AGBL4: variants seen among roughly 807,000 people sequenced by gnomAD.
The protein encoded by AGBL4 is AGBL carboxypeptidase 4.
A neutral mutation model predicts 66.4 loss-of-function variants in AGBL4; 58 were observed. The ratio of observed to expected loss-of-function variants is 0.87; its 90% CI spans 0.71 to 1.09. AGBL4 has a LOEUF of 1.09. Among genes scored for constraint, AGBL4 ranks in the 50% least tolerant of loss-of-function variants. The pLI is 0.00. For missense variants in AGBL4, 579 were observed against 631.0 expected (o/e 0.92, Z 0.88); for synonymous variants, 234 against 222.9 (o/e 1.05, Z -0.44).
At chr1:49,158,024 G>A (rs1569868477) in intron 4 of AGBL4, among the ~76,000 whole-genome samples, 1 of 152,214 alleles carries the variant, frequency 6.6e-6, no homozygotes, top group East Asian at 1.9e-4. Flanking sequence ...CTCCCGTTCT[G>A]TAGGTTGCCT....
chr1:49,595,942 C>CTTT (rs1238161737), intron 3 of AGBL4, among the ~76,000 whole-genome samples: 1 of 152,086 alleles, frequency 6.6e-6, no homozygotes, highest in African/African-American at 2.4e-5. Context: ...ATAGACAGCC[C>CTTT]TTTAATGCAG....
intron 3 of AGBL4, among the ~76,000 whole-genome samples, chr1:49,588,303 A>G (rs1228587870): frequency 6.6e-6 from 1 of 152,164 alleles, no homozygotes; most frequent in African/African-American, 2.4e-5. Context: ...GTGACACTGC[A>G]GTGTACCTAT....
intron 1 of AGBL4, chr1:49,995,444 C>G: frequency 2.7e-6 from 1 of 373,986 alleles, no homozygotes; most frequent in South Asian, 2.0e-5. Context: ...GAACACAACT[C>G]CACTGGGCTG....
intron 1 of AGBL4, among the ~76,000 whole-genome samples, chr1:49,892,756 T>C (rs1648779097): frequency 6.6e-6 from 1 of 152,188 alleles, no homozygotes; most frequent in South Asian, 2.1e-4. Flanking sequence ...TATTCATATT[T>C]TGTAGATGAG....
At chr1:49,783,476 A>C (rs1644383031) in intron 2 of AGBL4, among the ~76,000 whole-genome samples, 1 of 152,150 alleles carries the variant, frequency 6.6e-6, no homozygotes, top group Admixed American at 6.6e-5. Flanking sequence ...CCCCCTCAAC[A>C]AACTAGGAAT....
chr1:49,175,687 T>C (rs1167585599), intron 4 of AGBL4, among the ~76,000 whole-genome samples: 6 of 152,164 alleles, frequency 3.9e-5, no homozygotes, highest in Non-Finnish European at 4.4e-5. Flanking sequence ...TTACTTTCTA[T>C]ATACAATGAG....
At chr1:49,592,691 T>C (rs1451713536) in intron 3 of AGBL4, among the ~76,000 whole-genome samples, 2 of 152,116 alleles carry the variant, frequency 1.3e-5, no homozygotes, top group African/African-American at 4.8e-5. Flanking sequence ...CAATGAGATA[T>C]CATCTCACAC....
intron 3 of AGBL4, among the ~76,000 whole-genome samples, chr1:49,518,078 C>T (rs1649972707): frequency 6.6e-6 from 1 of 152,054 alleles, no homozygotes. Context: ...CACTGCTGCT[C>T]TCAAGAGATT....
intron 2 of AGBL4, among the ~76,000 whole-genome samples, chr1:49,711,736 T>C (rs952910997): frequency 1.4e-4 from 22 of 152,042 alleles, no homozygotes; most frequent in African/African-American, 5.1e-4. Flanking sequence ...CACAGTACTT[T>C]AATAATTTTA....
intron 2 of AGBL4, among the ~76,000 whole-genome samples, chr1:49,848,755 C>T (rs1411388729): frequency 7.2e-5 from 11 of 152,142 alleles, no homozygotes; most frequent in Non-Finnish European, 1.6e-4. Context: ...AACTTTACCA[C>T]TACGCAATAT....
At chr1:48,690,550 C>T (rs760301396) in intron 6 of AGBL4, among the ~76,000 whole-genome samples, 9 of 152,268 alleles carry the variant, frequency 5.9e-5, no homozygotes, top group South Asian at 2.1e-4. Flanking sequence ...CTGAGTCCCA[C>T]TAAGGGTCAC....
intron 4 of AGBL4, among the ~76,000 whole-genome samples, chr1:49,097,266 T>C (rs1285571786): frequency 6.6e-6 from 1 of 152,166 alleles, no homozygotes; most frequent in Non-Finnish European, 1.5e-5. Context: ...AGTTCCAAAA[T>C]TCCACCAACA....
chr1:48,548,400 C>G (rs976454710), intron 11 of AGBL4, among the ~76,000 whole-genome samples: 1 of 152,188 alleles, frequency 6.6e-6, no homozygotes, highest in African/African-American at 2.4e-5. Context: ...CAATTAGGCT[C>G]TTGCTAAATC....
At chr1:49,003,226 C>T (rs1004776324) in intron 5 of AGBL4, among the ~76,000 whole-genome samples, 5 of 152,002 alleles carry the variant, frequency 3.3e-5, no homozygotes, top group African/African-American at 9.7e-5. Flanking sequence ...GGTGAAACCC[C>T]GTCTCTACTA....
chr1:49,133,971 C>T (rs910739923), intron 4 of AGBL4, among the ~76,000 whole-genome samples: 1 of 151,794 alleles, frequency 6.6e-6, no homozygotes, highest in African/African-American at 2.4e-5. Flanking sequence ...CCCAATATTT[C>T]AACAGAGGTT....
At chr1:49,110,813 G>A (rs1645391514) in intron 4 of AGBL4, among the ~76,000 whole-genome samples, 3 of 152,112 alleles carry the variant, frequency 2.0e-5, no homozygotes, top group Admixed American at 2.0e-4. Flanking sequence ...TTATTCTTCA[G>A]TGACAATTCA....
chr1:48,845,262 T>C (rs1055111478), intron 6 of AGBL4, among the ~76,000 whole-genome samples: 3 of 152,178 alleles, frequency 2.0e-5, no homozygotes, highest in Non-Finnish European at 2.9e-5. Flanking sequence ...CCTCATAGCT[T>C]CCATGGCTCT....
Position 49,673,217 on chromosome 1 carries a change from CT to C in AGBL4, c.282+24095del, listed in dbSNP as rs1274252978. On this transcript the variant is annotated intron_variant, in intron 3 of 13. Coordinates refer to ENST00000371839, the MANE Select transcript of AGBL4 (RefSeq NM_032785.4). ...TATTTCTCTTTCACATTTAAAAGGA[CT>C]TTTTTCAAAAATCAATAAATTTCTT... 3.3e-5 allele frequency among the ~76,000 whole-genome samples: 5 copies of C among 151,994 alleles called. No homozygotes were observed. In the East Asian group the frequency reaches 7.7e-4, roughly 23 times the overall value.
chr1:49,971,222 A>G (rs946003681), intron 1 of AGBL4, among the ~76,000 whole-genome samples: 8 of 152,192 alleles, frequency 5.3e-5, no homozygotes, highest in Admixed American at 4.6e-4. Context: ...TCTGAGTAGC[A>G]CAATGATATC....
Sources: gnomAD v4.1 joint callset for allele counts (sites outside exome capture counted in the v4.1 genomes callset) on GRCh38, gnomAD v4.1.1 for gene constraint, MANE v1.5 for transcripts, NCBI Gene and HGNC (gene_info 2026-07-23, HGNC 2026-07-21) for gene names.